Variants in DIAPH2 observed in about 807,000 individuals in gnomAD.
The protein encoded by DIAPH2 is protein diaphanous homolog 2.
DIAPH2 carries 35 observed loss-of-function variants against 92.7 expected under a neutral mutation model. The ratio of observed to expected loss-of-function variants is 0.38; its 90% CI spans 0.29 to 0.50. The LOEUF is 0.50. Ranked by LOEUF, DIAPH2 falls within the 20% of genes least tolerant of loss-of-function variation. The pLI, the probability that DIAPH2 is intolerant of heterozygous loss-of-function variation, is 0.94. For missense variants in DIAPH2, 701 were observed against 819.5 expected, an observed-to-expected ratio of 0.86 and a Z score of 1.77; for synonymous variants, 301 against 280.4, an observed-to-expected ratio of 1.07 and a Z score of -0.73.
At chrX:96,697,787 G>A (rs1038389609) in intron 1 of DIAPH2, among the ~76,000 whole-genome samples, 3 of 111,051 alleles carry the variant, frequency 2.7e-5, no homozygotes, top group Non-Finnish European at 5.7e-5. Context: ...CTCTAGACTG[G>A]TGATGGTGGG....
At chrX:96,742,886 A>G (rs781311162) in intron 3 of DIAPH2, among the ~76,000 whole-genome samples, 2 of 109,988 alleles carry the variant, frequency 1.8e-5, no homozygotes, top group Admixed American at 1.9e-4. Flanking sequence ...CTGGTCTCGA[A>G]CTCCTGACCT....
intron 22 of DIAPH2, among the ~76,000 whole-genome samples, chrX:97,163,633 G>C (rs751163589): frequency 2.1e-4 from 23 of 112,049 alleles, no homozygotes; most frequent in African/African-American, 6.8e-4. Context: ...TTCCAGATGA[G>C]ACCACCCTTC....
chrX:96,715,255 T>A (rs1377185878), intron 1 of DIAPH2, among the ~76,000 whole-genome samples: 1 of 111,771 alleles, frequency 8.9e-6, no homozygotes, highest in Non-Finnish European at 1.9e-5. Flanking sequence ...TTTCTGATAA[T>A]CATTTGATTA....
chrX:97,154,288 G>A (rs1177254014), intron 22 of DIAPH2, among the ~76,000 whole-genome samples: 1 of 111,057 alleles, frequency 9.0e-6, no homozygotes, highest in African/African-American at 3.3e-5. Context: ...GAATAAGAGC[G>A]AATATTTTTT....
chrX:96,884,578 A>G (rs1331662626), intron 5 of DIAPH2: 1 of 1,210,919 alleles, frequency 8.3e-7, no homozygotes, highest in Non-Finnish European at 1.1e-6. Context: ...TTCAAATCAC[A>G]TTTGTTACAA....
intron 22 of DIAPH2, among the ~76,000 whole-genome samples, chrX:97,208,620 G>A (rs2067816281): frequency 9.0e-6 from 1 of 111,277 alleles, no homozygotes; most frequent in Non-Finnish European, 1.9e-5. Context: ...ATTTTCTGTG[G>A]CAATATATAT....
At chrX:97,389,680 A>T (rs183319868) in intron 25 of DIAPH2, among the ~76,000 whole-genome samples, 3 of 111,010 alleles carry the variant, frequency 2.7e-5, no homozygotes, top group African/African-American at 9.8e-5. Flanking sequence ...GCTGCACAGT[A>T]ACAGACCAAT....
intron 21 of DIAPH2, among the ~76,000 whole-genome samples, chrX:97,137,440 A>T (rs1432368248): frequency 9.3e-6 from 1 of 107,488 alleles, no homozygotes; most frequent in East Asian, 2.9e-4. Context: ...CAAAAATATT[A>T]CCAAAGCAAA....
intron 23 of DIAPH2, among the ~76,000 whole-genome samples, chrX:97,321,520 A>G (rs1281517928): frequency 2.0e-5 from 2 of 101,770 alleles, no homozygotes; most frequent in Non-Finnish European, 4.0e-5. Context: ...TCACATATGT[A>G]TGTGTTTTTG....
chrX:96,775,320 T>C (rs2064368809), intron 4 of DIAPH2, among the ~76,000 whole-genome samples: 1 of 107,503 alleles, frequency 9.3e-6, no homozygotes, highest in African/African-American at 3.4e-5. Flanking sequence ...ACACCCAATC[T>C]AAATGTTCAT....
intron 25 of DIAPH2, among the ~76,000 whole-genome samples, chrX:97,395,731 C>A (rs2147744033): frequency 8.9e-6 from 1 of 112,087 alleles, no homozygotes; most frequent in East Asian, 2.8e-4. Context: ...ATTTCTACAT[C>A]TACTAAAAAT....
intron 23 of DIAPH2, among the ~76,000 whole-genome samples, chrX:97,326,185 TTGAC>T (rs1486016567): frequency 1.8e-5 from 2 of 112,322 alleles, no homozygotes; most frequent in East Asian, 2.8e-4. Context: ...ATAAAAATCA[TTGAC>T]TGAAGGAACA....
chrX:97,421,553 C>A (rs1306207997), intron 25 of DIAPH2, among the ~76,000 whole-genome samples: 1 of 111,938 alleles, frequency 8.9e-6, no homozygotes, highest in Non-Finnish European at 1.9e-5. Flanking sequence ...CTGCTGATGA[C>A]CTTGCTCACA....
chrX:97,258,870 C>CAAAAAAAAAA (rs141981932), intron 23 of DIAPH2, among the ~76,000 whole-genome samples: 1 of 39,081 alleles, frequency 2.6e-5, no homozygotes, highest in Non-Finnish European at 4.2e-5. Flanking sequence ...GACTCCGTCT[C>CAAAAAAAAAA]AAAAAAAAAA....
chrX:97,385,229 GTATT>G (rs1569381378), intron 25 of DIAPH2, among the ~76,000 whole-genome samples: 1 of 110,740 alleles, frequency 9.0e-6, no homozygotes, highest in Non-Finnish European at 1.9e-5. Context: ...AGACTTTTAC[GTATT>G]TATTTATTTA....
intron 23 of DIAPH2, among the ~76,000 whole-genome samples, chrX:97,337,301 T>A (rs191322097): frequency 2.0e-3 from 222 of 110,847 alleles, no homozygotes; most frequent in African/African-American, 7.0e-3. Context: ...TGGACTGATA[T>A]GGTTTGTCTG....
intron 1 of DIAPH2, among the ~76,000 whole-genome samples, chrX:96,694,549 C>T (rs1296354815): frequency 1.8e-5 from 2 of 111,376 alleles, no homozygotes; most frequent in Admixed American, 9.5e-5. Context: ...CAATGTTTCC[C>T]AGGCTAGTCT....
intron 1 of DIAPH2, among the ~76,000 whole-genome samples, chrX:96,719,611 T>A (rs967624176): frequency 3.6e-5 from 4 of 112,221 alleles, no homozygotes; most frequent in African/African-American, 1.3e-4. Flanking sequence ...ATGGACTTAT[T>A]TCTGTGTTCT....
intron 23 of DIAPH2, among the ~76,000 whole-genome samples, chrX:97,261,181 T>A (rs2068285245): frequency 8.9e-6 from 1 of 112,707 alleles, no homozygotes; most frequent in African/African-American, 3.2e-5. Flanking sequence ...TTGATTTTAG[T>A]TACAAGTGCA....
Sources: allele counts gnomAD v4.1 joint callset (sites outside exome capture counted in the v4.1 genomes callset), GRCh38; gene constraint gnomAD v4.1.1; transcripts MANE v1.5; gene names NCBI Gene and HGNC (gene_info 2026-07-23, HGNC 2026-07-21).